Variants in NRAS observed in about 807,000 individuals in gnomAD.
NRAS encodes NRAS proto-oncogene, GTPase, also known as GTPase NRas.
NRAS carries 6 observed loss-of-function variants against 21.3 expected under a neutral mutation model. The ratio of observed to expected loss-of-function variants is 0.28; its 90% CI spans 0.15 to 0.56. NRAS has a LOEUF of 0.56. NRAS is among the 20% of genes least tolerant of loss of function. The probability of loss-of-function intolerance (pLI) is 0.93; values close to 1 mark genes in which losing one functional copy is unlikely to be tolerated. For missense variants in NRAS, 143 were observed against 231.3 expected (o/e 0.62, Z 2.48); for synonymous variants, 84 against 82.0 (o/e 1.02, Z -0.13).
chr1:114,712,928 T>C (rs541611828), intron 3 of NRAS, among the ~76,000 whole-genome samples: 262 of 152,314 alleles, frequency 1.7e-3, no homozygotes, highest in Middle Eastern at 3.4e-3. Flanking sequence ...TTAAGAACAC[T>C]GTGCTAAGAA....
At chr1:114,708,428 G>T in intron 5 of NRAS, 103 bp downstream of exon 5, 1 of 1,067,088 alleles carries the variant, frequency 9.4e-7, no homozygotes, top group Non-Finnish European at 1.5e-6. Flanking sequence ...AAGAGGATAG[G>T]CAGAAACTCA....
At chr1:114,709,938 T>A (rs1033203634) in intron 3 of NRAS, among the ~76,000 whole-genome samples, 1 of 151,688 alleles carries the variant, frequency 6.6e-6, no homozygotes, top group African/African-American at 2.4e-5. Context: ...CATGCCTGTA[T>A]TCCCAGCACT....
Position 114,705,150 on chromosome 1 carries a change from A to G in NRAS, c.*2944T>C, listed in dbSNP as rs1198710704. 1.3e-5 allele frequency: 2 copies of G among 152,200 alleles called. No individual in the cohort carries two copies. Among genetic ancestry groups the G allele is most frequent in the African/African-American group, 4.8e-5 (2 of 41,452 alleles). The allele number at this position is 152,200 out of a possible 1,614,324, so 9.4% of individuals were successfully genotyped here. ...TGGTAAAAAAACCCCACATATCTCTAAAGTGTTTCTCTATCCTTGCTTTCA... is the reference window on the plus strand; with the variant it reads ...TGGTAAAAAAACCCCACATATCTCTGAAGTGTTTCTCTATCCTTGCTTTCA... On this transcript the variant is annotated 3_prime_UTR_variant, in exon 7 of 7. Coordinates refer to ENST00000369535, the MANE Select transcript of NRAS (RefSeq NM_002524.5).
In NRAS at chr1:114,707,093, T is replaced by A. The variant is rs1206277346; in HGVS notation, c.*1001A>T. On this transcript the variant is annotated 3_prime_UTR_variant, in exon 7 of 7. Transcript: ENST00000369535. ...CTTTCTGGTATGACACAAATTTGAA[T>A]ACAAATGGAAGTTCATTGAATATTA... 1 of 152,632 alleles carries A rather than the reference T, an allele frequency of 6.6e-6. No homozygotes were observed. The highest frequency in any genetic ancestry group is 1.5e-5 in the Non-Finnish European group (1 of 68,026). 9.5% of individuals were successfully genotyped at this position (152,632 alleles called of 1,614,324 possible).
At chr1:114,710,263 A>G (rs1029758891) in intron 3 of NRAS, among the ~76,000 whole-genome samples, 2 of 89,492 alleles carry the variant, frequency 2.2e-5, no homozygotes, top group Non-Finnish European at 4.2e-5. Flanking sequence ...ATATATAAAT[A>G]TATATTTATA....
At chr1:114,716,526 G>A (rs1234764634) in intron 1 of NRAS, 132 bp downstream of exon 1, 2 of 360,474 alleles carry the variant, frequency 5.5e-6, no homozygotes, top group Non-Finnish European at 1.1e-5. Flanking sequence ...TCCCCACGTA[G>A]GCACCAAATG....
intron 1 of NRAS, among the ~76,000 whole-genome samples, chr1:114,716,417 G>C (rs933454528): frequency 6.6e-6 from 1 of 152,008 alleles, no homozygotes; most frequent in Non-Finnish European, 1.5e-5. Context: ...CTAAGCAATG[G>C]AAATCCCCCT....
intron 1 of NRAS, 72 bp from the exon 2 acceptor site, chr1:114,716,249 T>G: frequency 1.1e-6 from 1 of 911,044 alleles, no homozygotes; most frequent in Non-Finnish European, 1.9e-6. Flanking sequence ...CTATAATCAA[T>G]GGAAATGAAA....
intron 3 of NRAS, 53 bp from the exon 4 acceptor site, chr1:114,709,781 T>A (rs2101739114): frequency 6.8e-7 from 1 of 1,468,692 alleles, no homozygotes; most frequent in South Asian, 1.1e-5. Flanking sequence ...TTAGGCTGGG[T>A]ACAGTGGCTC....
chr1:114,713,411 G>A (rs906518141), intron 3 of NRAS, among the ~76,000 whole-genome samples: 15 of 151,926 alleles, frequency 9.9e-5, no homozygotes, highest in African/African-American at 2.7e-4. Context: ...TGATCCTCCC[G>A]CCTTGGCCTC....
In NRAS at chr1:114,708,671, T is replaced by C. The variant is rs371334343; in HGVS notation, c.451-17A>G. ...TTCAACACCCTATAAAAGGAAAAAA[T>C]GAAAAAAAATGAGAGAGCTAGCTCA... On this transcript the variant is annotated splice_polypyrimidine_tract_variant and intron_variant, in intron 4 of 6. Coordinates refer to ENST00000369535, the MANE Select transcript of NRAS (RefSeq NM_002524.5). 4.3e-6 allele frequency: 7 copies of C among 1,610,762 alleles called. No individual in the cohort carries two copies. Among genetic ancestry groups the C allele is most frequent in the Non-Finnish European group, 5.9e-6 (7 of 1,178,472 alleles).
At chr1:114,709,843 C>G in intron 3 of NRAS, 115 bp from the exon 4 acceptor site, 1 of 818,348 alleles carries the variant, frequency 1.2e-6, no homozygotes, top group Non-Finnish European at 2.1e-6. Flanking sequence ...ACTGCTTGAA[C>G]CCAGGAGTTT....
In NRAS at chr1:114,713,805, G is replaced by A. The variant is rs1659095924; in HGVS notation, c.285C>T (p.Leu95=). 6.2e-7 allele frequency: 1 copy of A among 1,612,988 alleles called. No homozygotes were observed. Among genetic ancestry groups the A allele is most frequent in the Non-Finnish European group, 8.5e-7 (1 of 1,178,962 alleles). The part of the protein sequence containing the change: ...NNSKSFADIN[L]YREQIKRVKD... ...GAAAATAATGCTCCTAGTACCTGTA[G>A]AGGTTAATATCCGCAAATGACTTGC... The change falls in exon 3 of 7, where the codon CTC becomes CTT. Residue 95 remains leucine, a synonymous_variant. Coordinates refer to ENST00000369535, the MANE Select transcript of NRAS (RefSeq NM_002524.5).
rs758669528 is a variant in NRAS at position 114,708,614 on chromosome 1, C to T, written c.491G>A (p.Arg164His). ...DAFYTLVREIRQYRMKKLNSS... is the reference protein window; with the variant it reads ...DAFYTLVREIHQYRMKKLNSS... ...GTTGAGTTTTTTCATTCGGTACTGG[C>T]GTATTTCTCTTACCAGTGTGTAAAA... The change falls in exon 5 of 7, where the codon CGC becomes CAC. Residue 164 changes from arginine to histidine, a missense_variant. Coordinates refer to ENST00000369535, the MANE Select transcript of NRAS (RefSeq NM_002524.5). 19 of 1,612,280 alleles carry T rather than the reference C, an allele frequency of 1.2e-5. No homozygotes were observed. The highest frequency in any genetic ancestry group is 8.9e-5 in the East Asian group (4 of 44,858).
chr1:114,711,959 C>A (rs573883641), intron 3 of NRAS, among the ~76,000 whole-genome samples: 2 of 152,312 alleles, frequency 1.3e-5, no homozygotes, highest in East Asian at 1.9e-4. Context: ...CTGTAAATAA[C>A]CACATACTGC....
At chr1:114,709,252 C>A (rs1286388152) in intron 4 of NRAS, among the ~76,000 whole-genome samples, 1 of 151,988 alleles carries the variant, frequency 6.6e-6, no homozygotes, top group Non-Finnish European at 1.5e-5. Context: ...GCCTGGGCAA[C>A]ATGGTAAAAC....
chr1:114,710,377 G>A (rs1659020081), intron 3 of NRAS, among the ~76,000 whole-genome samples: 1 of 147,090 alleles, frequency 6.8e-6, no homozygotes, highest in Admixed American at 6.8e-5. Context: ...ATAGCTGGGT[G>A]TGGTGGCGCA....
At chr1:114,715,247 G>C (rs1450771752) in intron 2 of NRAS, among the ~76,000 whole-genome samples, 1 of 152,056 alleles carries the variant, frequency 6.6e-6, no homozygotes. Flanking sequence ...GGCTGGTCTT[G>C]AACTCCTGAC....
At chr1:114,709,091 T>G (rs1482745765) in intron 4 of NRAS, among the ~76,000 whole-genome samples, 3 of 152,240 alleles carry the variant, frequency 2.0e-5, no homozygotes, top group Non-Finnish European at 4.4e-5. Context: ...AGAATATTAG[T>G]AAGTTCATTT....
Sources: gnomAD v4.1 joint callset for allele counts (sites outside exome capture counted in the v4.1 genomes callset) on GRCh38, gnomAD v4.1.1 for gene constraint, MANE v1.5 for transcripts, NCBI Gene and HGNC (gene_info 2026-07-23, HGNC 2026-07-21) for gene names.